MAST2: variants seen among roughly 807,000 people sequenced by gnomAD.
MAST2 encodes microtubule-associated serine/threonine-protein kinase 2.
A neutral mutation model predicts 147.4 loss-of-function variants in MAST2; 70 were observed. The ratio of observed to expected loss-of-function variants is 0.47; its 90% CI spans 0.39 to 0.58. The LOEUF (loss-of-function observed/expected upper bound fraction) is 0.58, where lower values mean the gene tolerates loss of function less well. Among genes scored for constraint, MAST2 ranks in the 20% least tolerant of loss-of-function variants. The pLI is 0.00. For missense variants in MAST2, 2,080 were observed against 2,302.3 expected (o/e 0.90, Z 1.98); for synonymous variants, 869 against 896.8 (o/e 0.97, Z 0.55).
intron 1 of MAST2, among the ~76,000 whole-genome samples, chr1:45,814,290 T>C (rs551058478): frequency 5.9e-5 from 9 of 152,210 alleles, no homozygotes; most frequent in African/African-American, 1.9e-4. Flanking sequence ...ATTGTTACCA[T>C]AGGAGATGAC....
At chr1:45,971,768 T>C (rs1387939561) in intron 5 of MAST2, among the ~76,000 whole-genome samples, 1 of 152,220 alleles carries the variant, frequency 6.6e-6, no homozygotes, top group East Asian at 1.9e-4. Context: ...ATTATAGTCA[T>C]CAATGCTACA....
intron 3 of MAST2, among the ~76,000 whole-genome samples, chr1:45,845,513 A>G (rs1645403293): frequency 6.6e-6 from 1 of 152,210 alleles, no homozygotes; most frequent in Non-Finnish European, 1.5e-5. Context: ...TCTTTTAAAA[A>G]CATATTAAGG....
At chr1:46,014,121 T>C (rs1231415601) in intron 10 of MAST2, among the ~76,000 whole-genome samples, 1 of 152,118 alleles carries the variant, frequency 6.6e-6, no homozygotes, top group African/African-American at 2.4e-5. Flanking sequence ...TTGGTAATTA[T>C]ATCTTCGTTT....
chr1:45,928,727 T>A (rs981336966), intron 4 of MAST2, among the ~76,000 whole-genome samples: 3 of 152,046 alleles, frequency 2.0e-5, no homozygotes, highest in Non-Finnish European at 4.4e-5. Flanking sequence ...ACTACAGACA[T>A]GCACCAGAAG....
chr1:45,860,973 C>T (rs2148066787), intron 3 of MAST2, among the ~76,000 whole-genome samples: 1 of 152,298 alleles, frequency 6.6e-6, no homozygotes, highest in East Asian at 1.9e-4. Flanking sequence ...TAGCTCTCTG[C>T]CTTGTCATAC....
chr1:45,823,681 G>C (rs1437763634), intron 1 of MAST2, among the ~76,000 whole-genome samples: 1 of 152,138 alleles, frequency 6.6e-6, no homozygotes, highest in African/African-American at 2.4e-5. Flanking sequence ...AGATCAGTTT[G>C]ATGTGTTACT....
chr1:45,880,750 G>T (rs1646807940), intron 3 of MAST2, among the ~76,000 whole-genome samples: 1 of 152,054 alleles, frequency 6.6e-6, no homozygotes, highest in Non-Finnish European at 1.5e-5. Context: ...GGAGACCAAG[G>T]TGGGAGGATC....
Position 46,030,202 on chromosome 1 carries a change from C to A in MAST2, c.2517C>A (p.Ile839=). The A allele has an allele frequency of 4.3e-6, 7 of 1,614,208 alleles. No homozygotes were observed. The highest frequency in any genetic ancestry group is 5.1e-6 in the Non-Finnish European group (6 of 1,180,030). Reference sequence around the variant, plus strand: ...TGAGTGAGGATGGCTGCCTTGAGATCCGCCAGTTCTCTTCCTGCTCTCCAA... The same window carrying A: ...TGAGTGAGGATGGCTGCCTTGAGATACGCCAGTTCTCTTCCTGCTCTCCAA... ...EEVSEDGCLE[I]RQFSSCSPRF... Residue 839 remains isoleucine (I), a synonymous_variant, in exon 21 of 29, where the codon ATC becomes ATA. Transcript: ENST00000361297.
chr1:45,939,083 G>T (rs910819260), intron 4 of MAST2, among the ~76,000 whole-genome samples: 1 of 150,454 alleles, frequency 6.6e-6, no homozygotes. Flanking sequence ...CATGCTTTTG[G>T]TATCTAAGAA....
chr1:45,846,997 C>G (rs1363335152), intron 3 of MAST2: 1 of 309,628 alleles, frequency 3.2e-6, no homozygotes, highest in African/African-American at 2.3e-5. Context: ...GATGATTAGG[C>G]TAATCCAGTC....
chr1:45,993,316 G>A (rs1644920805), intron 5 of MAST2, among the ~76,000 whole-genome samples: 1 of 151,964 alleles, frequency 6.6e-6, no homozygotes, highest in South Asian at 2.1e-4. Context: ...TTTGTAGTGT[G>A]GTTTGCTGTT....
chr1:46,019,586 T>C lies in MAST2; in HGVS notation c.1189-10T>C. On this transcript the variant is annotated splice_polypyrimidine_tract_variant and intron_variant, in intron 10 of 28. Coordinates refer to ENST00000361297, the MANE Select transcript of MAST2 (RefSeq NM_015112.3). ...GCCAATAGATTAAGCAACGCTTCTTTTCTCTATAGGCTCATGAGCGCTCAG... is the reference window on the plus strand; with the variant it reads ...GCCAATAGATTAAGCAACGCTTCTTCTCTCTATAGGCTCATGAGCGCTCAG... 1 of 1,612,354 alleles carries C rather than the reference T, an allele frequency of 6.2e-7. No individual in the cohort carries two copies. The highest frequency in any genetic ancestry group is 8.5e-7 in the Non-Finnish European group (1 of 1,178,658).
Position 46,022,090 on chromosome 1 carries a change from T to A in MAST2, c.1423+8T>A. On this transcript the variant is annotated splice_region_variant and intron_variant, in intron 12 of 28. Transcript: ENST00000361297. ...CCCGGGATCCCCTAGAAGGTGAGCA[T>A]GCTGCCTAGTGGCTGCAAAGAGGCC... is the stretch of plus-strand genomic sequence containing the variant. 1.2e-6 allele frequency: 2 copies of A among 1,613,936 alleles called. No homozygotes were observed. Among genetic ancestry groups the A allele is most frequent in the Non-Finnish European group, 1.7e-6 (2 of 1,179,894 alleles).
chr1:46,030,524 G>C, intron 21 of MAST2, 83 bp from the exon 22 acceptor site: 1 of 1,488,082 alleles, frequency 6.7e-7, no homozygotes, highest in Non-Finnish European at 8.9e-7. Context: ...AAATTCCTAG[G>C]TTTCCGATGC....
chr1:45,957,434 T>C (rs1659809010), intron 4 of MAST2, among the ~76,000 whole-genome samples: 1 of 152,232 alleles, frequency 6.6e-6, no homozygotes. Context: ...AGAACATTTA[T>C]ATTTAATATG....
At chr1:45,905,919 G>A (rs1650644332) in intron 4 of MAST2, among the ~76,000 whole-genome samples, 1 of 152,114 alleles carries the variant, frequency 6.6e-6, no homozygotes, top group Non-Finnish European at 1.5e-5. Flanking sequence ...TCCTACTAGG[G>A]ATGTCGAGGG....
At position 46,022,010 on chromosome 1, in the gene MAST2, G is replaced by A. The variant is rs377326827; in HGVS notation, c.1351G>A (p.Gly451Arg). The A allele has an allele frequency of 1.7e-5, 27 of 1,614,190 alleles. No individual in the cohort carries two copies. The African/African-American group carries it at 3.2e-4, about 19-fold the overall frequency. Residue 451 changes from glycine (G) to arginine (R), a missense_variant, in exon 12 of 29, where the codon GGA becomes AGA. By Grantham distance (125) the Gly-to-Arg change is moderately radical (BLOSUM62 -2). Coordinates refer to ENST00000361297, the MANE Select transcript of MAST2 (RefSeq NM_015112.3). ...LEAAEGHAKE[G>R]QGIKCDIPRY... is the part of the protein sequence containing the mutation. ...AGCAGCTGAGGGCCACGCCAAAGAG[G>A]GACAAGGGATTAAATGTGACATTCC... is the stretch of plus-strand genomic sequence containing the variant.
At chr1:45,973,330 A>G (rs1403033272) in intron 5 of MAST2, among the ~76,000 whole-genome samples, 1 of 152,262 alleles carries the variant, frequency 6.6e-6, no homozygotes, top group Non-Finnish European at 1.5e-5. Context: ...CCTTGTCTCC[A>G]TAATTTCAGT....
At chr1:46,030,828 G>C in intron 22 of MAST2, 67 bp downstream of exon 22, 2 of 1,491,168 alleles carry the variant, frequency 1.3e-6, no homozygotes, top group South Asian at 2.7e-5. Context: ...GATCATGGGA[G>C]AGATTCCGAT....
Sources: allele counts gnomAD v4.1 joint callset (sites outside exome capture counted in the v4.1 genomes callset), GRCh38; gene constraint gnomAD v4.1.1; transcripts MANE v1.5; gene names NCBI Gene and HGNC (gene_info 2026-07-23, HGNC 2026-07-21).